ATP6V1G1: variants seen among roughly 807,000 people sequenced by gnomAD.
ATP6V1G1 encodes V-type proton ATPase subunit G 1.
In ATP6V1G1, 14 loss-of-function variants were observed where a neutral mutation model predicts 14.2. That is an observed-to-expected ratio of 0.99 (90% CI 0.65 to 1.55). The LOEUF is 1.55. ATP6V1G1 is among the 40% of genes most tolerant of loss of function. The pLI, the probability that ATP6V1G1 is intolerant of heterozygous loss-of-function variation, is 0.00. For missense variants in ATP6V1G1, 137 were observed against 146.4 expected (o/e 0.94, Z 0.33); for synonymous variants, 65 against 53.3 (o/e 1.22, Z -0.96).
rs1845194005 is a variant in ATP6V1G1, at chr9:114,592,602, G to A, written c.133G>A (p.Glu45Lys). ...CAAAGAAGAAGCTCAGGCTGAAATT[G>A]AACAGTACCGCCTGCAGAGGGAGAA... is the stretch of plus-strand genomic sequence containing the variant. ...QAKEEAQAEI[E>K]QYRLQREKEF... The change falls in exon 2 of 3, where the codon GAA (glutamate) becomes AAA (lysine). Residue 45 changes from glutamate (E) to lysine (K), a missense_variant. Coordinates refer to ENST00000374050, the MANE Select transcript of ATP6V1G1 (RefSeq NM_004888.4). 1.3e-6 allele frequency: 2 copies of A among 1,577,100 alleles called. No individual in the cohort carries two copies. Among genetic ancestry groups the A allele is most frequent in the Non-Finnish European group, 1.7e-6 (2 of 1,160,692 alleles).
chr9:114,593,226 A>G (rs1845202064), intron 2 of ATP6V1G1, among the ~76,000 whole-genome samples: 1 of 152,230 alleles, frequency 6.6e-6, no homozygotes, highest in African/African-American at 2.4e-5. Context: ...TCACAGAGAA[A>G]AGAAACTATC....
At chr9:114,595,223 A>G (rs1845225992) in intron 2 of ATP6V1G1, among the ~76,000 whole-genome samples, 1 of 152,128 alleles carries the variant, frequency 6.6e-6, no homozygotes, top group South Asian at 2.1e-4. Flanking sequence ...TTTTGAGACA[A>G]CTTAGCGGAG....
chr9:114,589,497 C>T (rs1845162137), intron 1 of ATP6V1G1, among the ~76,000 whole-genome samples: 1 of 152,170 alleles, frequency 6.6e-6, no homozygotes, highest in Non-Finnish European at 1.5e-5. Flanking sequence ...TTCTATCTGA[C>T]ATCCAACTAG....
chr9:114,593,299 C>A (rs1215486710), intron 2 of ATP6V1G1, among the ~76,000 whole-genome samples: 1 of 152,032 alleles, frequency 6.6e-6, no homozygotes, highest in Non-Finnish European at 1.5e-5. Flanking sequence ...ATGTATTGGC[C>A]TATATAATTA....
intron 1 of ATP6V1G1, among the ~76,000 whole-genome samples, chr9:114,588,977 C>G (rs918365765): frequency 6.6e-6 from 1 of 152,184 alleles, no homozygotes; most frequent in Non-Finnish European, 1.5e-5. Flanking sequence ...TATACTGAAT[C>G]GTTGTGGTCC....
rs1845263113 is a variant in ATP6V1G1, at chr9:114,598,344, A to G, written c.*601A>G. ...ACATGTATTACTTGGTGTATCGATA[A>G]TCATTTAAAAGTAAAGACTCTGTCA... On this transcript the variant is annotated 3_prime_UTR_variant, in exon 3 of 3. Transcript: ENST00000374050. The G allele has an allele frequency of 6.6e-6, 1 of 152,528 alleles. No homozygotes were observed. The highest frequency in any genetic ancestry group is 2.4e-5 in the African/African-American group (1 of 41,424). 9.4% of individuals were successfully genotyped at this position (152,528 alleles called of 1,614,324 possible).
intron 2 of ATP6V1G1, among the ~76,000 whole-genome samples, chr9:114,594,665 G>A (rs1022103994): frequency 3.9e-5 from 6 of 152,026 alleles, no homozygotes; most frequent in African/African-American, 1.4e-4. Flanking sequence ...TTACAGGCGT[G>A]AGCCACCACG....
chr9:114,594,519 G>T (rs1405614627), intron 2 of ATP6V1G1, among the ~76,000 whole-genome samples: 3 of 151,718 alleles, frequency 2.0e-5, no homozygotes, highest in African/African-American at 7.3e-5. Context: ...AAGTAGCTGA[G>T]ACTGCAGGTG....
In ATP6V1G1 at chr9:114,587,859, G is replaced by T; in HGVS notation, c.21G>T (p.Gly7=). The change falls in exon 1 of 3, where the codon GGG becomes GGT. Residue 7 remains glycine (G), a synonymous_variant. Coordinates refer to ENST00000374050, the MANE Select transcript of ATP6V1G1 (RefSeq NM_004888.4). MASQSQ[G]IQQLLQAEKR... ...CCGCCATGGCTAGTCAGTCTCAGGG[G>T]ATTCAGCAGCTGCTGCAGGCCGAGA... The T allele has an allele frequency of 6.3e-7, 1 of 1,594,470 alleles. No homozygotes were observed. The highest frequency in any genetic ancestry group is 1.1e-5 in the South Asian group (1 of 87,850).
At chr9:114,596,986 CTTT>C (rs71367785) in intron 2 of ATP6V1G1, among the ~76,000 whole-genome samples, 2 of 104,582 alleles carry the variant, frequency 1.9e-5, no homozygotes, top group African/African-American at 3.8e-5. Flanking sequence ...ATAGCAGATT[CTTT>C]TTTTTTTTTT....
intron 1 of ATP6V1G1, among the ~76,000 whole-genome samples, chr9:114,591,734 A>G (rs759229167): frequency 2.0e-5 from 3 of 152,304 alleles, no homozygotes; most frequent in Non-Finnish European, 2.9e-5. Context: ...ACAGTGTTGT[A>G]TAACAAAGCT....
At position 114,597,886 on chromosome 9, in the gene ATP6V1G1, A is replaced by G. The variant is rs1411664903; in HGVS notation, c.*143A>G. The G allele has an allele frequency of 8.0e-6, 6 of 751,140 alleles. No individual in the cohort carries two copies. In the African/African-American group the frequency reaches 1.1e-4, roughly 14 times the overall value. The allele number at this position is 751,140 out of a possible 1,614,324, so 46.5% of individuals were successfully genotyped here. On this transcript the variant is annotated 3_prime_UTR_variant, in exon 3 of 3. Transcript: ENST00000374050. ...TAATAGGTCCTTCCACTTTTTGGAG[A>G]GTAGCAAATCTAGCTTTTTTGTACA...
intron 1 of ATP6V1G1, among the ~76,000 whole-genome samples, chr9:114,591,613 A>T (rs1029452829): frequency 3.3e-5 from 5 of 152,208 alleles, no homozygotes; most frequent in Non-Finnish European, 5.9e-5. Context: ...TGTTGATGTC[A>T]TGGGGTCATT....
intron 1 of ATP6V1G1, 78 bp from the exon 2 acceptor site, chr9:114,592,474 T>G (rs2133558340): frequency 7.4e-7 from 1 of 1,352,314 alleles, no homozygotes; most frequent in Non-Finnish European, 1.0e-6. Context: ...TGGCTTATTG[T>G]TATAATATAC....
chr9:114,594,702 T>A (rs1022907668), intron 2 of ATP6V1G1, among the ~76,000 whole-genome samples: 4 of 152,030 alleles, frequency 2.6e-5, no homozygotes, highest in African/African-American at 9.7e-5. Context: ...ATTTTTACAT[T>A]CTTTTTTCTT....
At chr9:114,590,546 G>A (rs2133557224) in intron 1 of ATP6V1G1, among the ~76,000 whole-genome samples, 1 of 152,148 alleles carries the variant, frequency 6.6e-6, no homozygotes, top group South Asian at 2.1e-4. Flanking sequence ...CTCCCAAAGT[G>A]CTGGGATTAC....
At chr9:114,596,986 C>CTTTTATTCT (rs1845244799) in intron 2 of ATP6V1G1, among the ~76,000 whole-genome samples, 2 of 104,566 alleles carry the variant, frequency 1.9e-5, no homozygotes, top group East Asian at 6.0e-4. Flanking sequence ...ATAGCAGATT[C>CTTTTATTCT]TTTTTTTTTT....
In ATP6V1G1 at chr9:114,598,256, G is replaced by T. The variant is rs1845262202; in HGVS notation, c.*513G>T. The T allele has an allele frequency of 6.6e-6, 1 of 152,576 alleles. No homozygotes were observed. The highest frequency in any genetic ancestry group is 2.4e-5 in the African/African-American group (1 of 41,434). 9.5% of individuals were successfully genotyped at this position (152,576 alleles called of 1,614,324 possible). On this transcript the variant is annotated 3_prime_UTR_variant, in exon 3 of 3. Transcript: ENST00000374050. Reference sequence around the variant, plus strand: ...TAGAACAGTGAATACTAGTGGAATTGTTTGGGCTGCTTTTAGTTTCTCTTA... The same window carrying T: ...TAGAACAGTGAATACTAGTGGAATTTTTTGGGCTGCTTTTAGTTTCTCTTA...
Position 114,588,510 on chromosome 9 carries a change from AGTGTGTGT to A in ATP6V1G1, c.82+613_82+620del, listed in dbSNP as rs66783144. ...TGTGTTTCTAACATGTGGCAAGCGC[AGTGTGTGT>A]GTGTGTGTGTGTGTGTGTGTGTTTC... is the stretch of plus-strand genomic sequence containing the variant. On this transcript the variant is annotated intron_variant, in intron 1 of 2. Transcript: ENST00000374050. 6.7e-3 allele frequency among the ~76,000 whole-genome samples: 989 copies of A among 147,192 alleles called. 4 individuals carry two copies. The highest frequency in any genetic ancestry group is 0.011 in the Non-Finnish European group (728 of 66,714).
Sources: gnomAD v4.1 joint callset for allele counts (sites outside exome capture counted in the v4.1 genomes callset) on GRCh38, gnomAD v4.1.1 for gene constraint, MANE v1.5 for transcripts, NCBI Gene and HGNC (gene_info 2026-07-23, HGNC 2026-07-21) for gene names.